Variants in CCDC167 observed in about 807,000 individuals in gnomAD.
CCDC167 encodes the protein coiled-coil domain containing 167, also known as coiled-coil domain-containing protein 167.
Under a neutral mutation model 12.7 loss-of-function variants are expected in CCDC167, and 15 were observed. That is an observed-to-expected ratio of 1.18 (90% CI 0.79 to 1.81). The LOEUF is 1.81. CCDC167 is among the 40% of genes most tolerant of loss of function. CCDC167 has a pLI of 0.00. For missense variants in CCDC167, 121 were observed against 120.1 expected (o/e 1.01, Z -0.03); for synonymous variants, 52 against 49.0 (o/e 1.06, Z -0.26).
At chr6:37,497,594 C>A (rs1478807431) in intron 1 of CCDC167, among the ~76,000 whole-genome samples, 3 of 152,162 alleles carry the variant, frequency 2.0e-5, no homozygotes, top group African/African-American at 7.2e-5. Context: ...TGGCTCACAC[C>A]TCTAATCCCA....
intron 1 of CCDC167, among the ~76,000 whole-genome samples, chr6:37,490,321 G>T (rs1762001859): frequency 6.6e-6 from 1 of 152,200 alleles, no homozygotes; most frequent in Non-Finnish European, 1.5e-5. Context: ...CTGCCTGGGG[G>T]GATGGCTGGG....
At chr6:37,483,522 C>T (rs576032589) in intron 3 of CCDC167, among the ~76,000 whole-genome samples, 90 of 152,332 alleles carry the variant, frequency 5.9e-4, no homozygotes, top group African/African-American at 2.1e-3. Flanking sequence ...AACTATGGCT[C>T]TTTAAATGTG....
intron 1 of CCDC167, among the ~76,000 whole-genome samples, chr6:37,491,619 C>T (rs574505962): frequency 4.6e-5 from 7 of 152,230 alleles, no homozygotes; most frequent in African/African-American, 7.2e-5. Flanking sequence ...GTAGCTGAGC[C>T]GAGCCAAGTC....
At chr6:37,484,346 C>T (rs1206916833) in intron 3 of CCDC167, among the ~76,000 whole-genome samples, 1 of 152,258 alleles carries the variant, frequency 6.6e-6, no homozygotes, top group Non-Finnish European at 1.5e-5. Context: ...TGGCCTCTAC[C>T]TGCCTCTGCC....
intron 1 of CCDC167, among the ~76,000 whole-genome samples, chr6:37,494,317 C>T (rs962784540): frequency 2.6e-5 from 4 of 152,196 alleles, no homozygotes; most frequent in African/African-American, 2.4e-5. Context: ...CCCGCCTGGG[C>T]CTCCCAAAGT....
At chr6:37,490,644 G>A (rs758959280) in intron 1 of CCDC167, among the ~76,000 whole-genome samples, 1 of 152,124 alleles carries the variant, frequency 6.6e-6, no homozygotes, top group African/African-American at 2.4e-5. Flanking sequence ...CTCCACAGAG[G>A]GGGTGTTCTG....
At chr6:37,499,685 C>A (rs774457280) in intron 1 of CCDC167, 137 bp downstream of exon 1, 89 of 995,764 alleles carry the variant, frequency 8.9e-5, no homozygotes, top group Non-Finnish European at 1.4e-4. Context: ...TCACCCCTCC[C>A]GTCCCTCTCC....
intron 1 of CCDC167, among the ~76,000 whole-genome samples, chr6:37,492,913 G>A (rs1371031560): frequency 1.3e-5 from 2 of 152,140 alleles, no homozygotes; most frequent in African/African-American, 2.4e-5. Flanking sequence ...ACCCCAAGGG[G>A]CCCATTATCC....
chr6:37,495,781 G>T lies in CCDC167; in HGVS notation c.42+4041C>A, dbSNP rs149427437. On this transcript the variant is annotated intron_variant, in intron 1 of 3. Coordinates refer to ENST00000373408, the MANE Select transcript of CCDC167 (RefSeq NM_138493.3). ...GTGCTGAGATCACTCACTTGTGGGG[G>T]TTTTATTGCACTCGTCAGATTAACA... Among the ~76,000 whole-genome samples, 3 of 152,178 alleles carry T rather than the reference G, an allele frequency of 2.0e-5. No homozygotes were observed. The South Asian group carries it at 6.2e-4, about 32-fold the overall frequency.
chr6:37,484,731 T>C, intron 3 of CCDC167, 79 bp downstream of exon 3: 1 of 1,549,008 alleles, frequency 6.5e-7, no homozygotes, highest in Non-Finnish European at 8.9e-7. Flanking sequence ...TGCTGCCTTG[T>C]CAGGCCCCTT....
At chr6:37,483,847 T>C (rs571207298) in intron 3 of CCDC167, among the ~76,000 whole-genome samples, 22 of 152,320 alleles carry the variant, frequency 1.4e-4, no homozygotes, top group African/African-American at 4.1e-4. Flanking sequence ...GTCTTGACTC[T>C]AGAGGAAATC....
At chr6:37,495,128 T>A (rs1762083634) in intron 1 of CCDC167, among the ~76,000 whole-genome samples, 1 of 152,158 alleles carries the variant, frequency 6.6e-6, no homozygotes, top group Admixed American at 6.5e-5. Flanking sequence ...GGGAAAAGTC[T>A]ACTCCCATTT....
intron 1 of CCDC167, among the ~76,000 whole-genome samples, chr6:37,489,562 G>A (rs1215679352): frequency 3.9e-4 from 60 of 152,220 alleles, no homozygotes; most frequent in Non-Finnish European, 4.4e-5. Context: ...GAGGCCTGGA[G>A]CCATGTCCAA....
chr6:37,487,809 A>T (rs941096736), intron 1 of CCDC167, among the ~76,000 whole-genome samples: 3 of 152,258 alleles, frequency 2.0e-5, no homozygotes, highest in Admixed American at 6.5e-5. Flanking sequence ...CCTTTATCTG[A>T]ACAAGCCCAA....
intron 1 of CCDC167, among the ~76,000 whole-genome samples, chr6:37,486,147 C>G (rs1055946310): frequency 3.3e-5 from 5 of 152,142 alleles, no homozygotes; most frequent in African/African-American, 1.2e-4. Flanking sequence ...ACCTCGGAGC[C>G]CCATAATGCT....
At position 37,485,188 on chromosome 6, in the gene CCDC167, C is replaced by T. The variant is rs889756049; in HGVS notation, c.49G>A (p.Gly17Arg). The change falls in exon 2 of 4, where the codon GGG becomes AGG. Residue 17 changes from glycine (G) to arginine (R), a missense_variant. Coordinates refer to ENST00000373408, the MANE Select transcript of CCDC167 (RefSeq NM_138493.3). The part of the protein sequence containing the change: ...ENLGVALEID[G>R]LEEKLSQCRR... ...CACTGGGACAGCTTCTCCTCTAGCC[C>T]ATCGATCTGAAACAAAGGCCACAGA... 9 of 1,612,838 alleles carry T rather than the reference C, an allele frequency of 5.6e-6. No homozygotes were observed. Among genetic ancestry groups the T allele is most frequent in the Non-Finnish European group, 8.5e-7 (1 of 1,179,662 alleles).
At chr6:37,497,782 A>G (rs1762117262) in intron 1 of CCDC167, among the ~76,000 whole-genome samples, 1 of 152,110 alleles carries the variant, frequency 6.6e-6, no homozygotes, top group South Asian at 2.1e-4. Flanking sequence ...GAACACTTGA[A>G]TGGGAGGTGG....
chr6:37,487,159 G>C (rs1210970797), intron 1 of CCDC167, among the ~76,000 whole-genome samples: 1 of 152,148 alleles, frequency 6.6e-6, no homozygotes, highest in African/African-American at 2.4e-5. Context: ...GTCTCTAAAT[G>C]GTGCCAACTG....
At chr6:37,484,942 G>A in intron 2 of CCDC167, 80 bp from the exon 3 acceptor site, 1 of 1,578,038 alleles carries the variant, frequency 6.3e-7, no homozygotes, top group Non-Finnish European at 8.7e-7. Flanking sequence ...CCAGTTGGCA[G>A]GGCTTGGGTC....
Sources: gnomAD v4.1 joint callset for allele counts (sites outside exome capture counted in the v4.1 genomes callset) on GRCh38, gnomAD v4.1.1 for gene constraint, MANE v1.5 for transcripts, NCBI Gene and HGNC (gene_info 2026-07-23, HGNC 2026-07-21) for gene names.